The following DLC1 variants were observed in gnomAD, a reference collection of about 807,000 sequenced individuals.
The protein encoded by DLC1 is DLC1 Rho GTPase activating protein.
DLC1 carries 54 observed loss-of-function variants against 140.3 expected under a neutral mutation model. The observed-to-expected ratio is 0.38, with a 90% CI of 0.31 to 0.48. The LOEUF (loss-of-function observed/expected upper bound fraction) is 0.48. DLC1 is among the 20% of genes least tolerant of loss of function. The pLI, the probability that DLC1 is intolerant of heterozygous loss-of-function variation, is 0.96. For synonymous variants in DLC1, 986 were observed against 728.1 expected (o/e 1.35, Z -5.70); for missense variants, 2,536 against 1,907.0 (o/e 1.33, Z -6.14).
intron 5 of DLC1, among the ~76,000 whole-genome samples, chr8:13,202,667 T>C (rs952639050): frequency 6.6e-6 from 1 of 152,152 alleles, no homozygotes; most frequent in African/African-American, 2.4e-5. Flanking sequence ...CCTTTAATTT[T>C]TTTTTAATTT....
intron 4 of DLC1, among the ~76,000 whole-genome samples, chr8:13,367,733 G>A (rs541507631): frequency 1.4e-4 from 21 of 152,190 alleles, no homozygotes; most frequent in African/African-American, 5.1e-4. Context: ...TTTGTGTTTT[G>A]TTTCATCTGA....
intron 1 of DLC1, among the ~76,000 whole-genome samples, chr8:13,582,929 T>A (rs1457542161): frequency 7.2e-6 from 1 of 139,156 alleles, no homozygotes; most frequent in Non-Finnish European, 1.5e-5. Flanking sequence ...TGTGGTGTAA[T>A]AGCATTATGT....
intron 5 of DLC1, among the ~76,000 whole-genome samples, chr8:13,184,294 G>T (rs1424806892): frequency 1.3e-5 from 2 of 152,018 alleles, no homozygotes; most frequent in Admixed American, 6.6e-5. Context: ...TTTTTGAAGG[G>T]TTTTTTGTGT....
intron 1 of DLC1, among the ~76,000 whole-genome samples, chr8:13,544,959 G>T (rs1803605792): frequency 6.6e-6 from 1 of 152,076 alleles, no homozygotes; most frequent in Non-Finnish European, 1.5e-5. Context: ...TATTTACATA[G>T]ACTCCAAGTT....
At chr8:13,493,885 A>G (rs1801378136) in intron 2 of DLC1, among the ~76,000 whole-genome samples, 1 of 152,158 alleles carries the variant, frequency 6.6e-6, no homozygotes, top group Admixed American at 6.6e-5. Flanking sequence ...GTATCATTTC[A>G]GGTATGGGAG....
rs116450469 is a variant in DLC1 at position 13,092,824 on chromosome 8, A to G, written c.3528T>C (p.Tyr1176=). The stretch of plus-strand genomic sequence containing the variant: ...CCTGCAGGCGCTGGTCCTTGGGCAC[A>G]TCTGCACGACACCAGCACTTTCTCC... ...LSETFLQIYQ[Y]VPKDQRLQAI... is the part of the protein sequence containing the mutation. The change falls in exon 13 of 18, where the codon TAT becomes TAC. Residue 1176 remains tyrosine, a splice_region_variant and synonymous_variant. Coordinates refer to ENST00000276297, the MANE Select transcript of DLC1 (RefSeq NM_182643.3). The G allele has an allele frequency of 7.1e-4, 1,147 of 1,611,770 alleles. 3 individuals are homozygous for G. In the African/African-American group the frequency reaches 0.013, roughly 18 times the overall value.
At chr8:13,495,412 A>G (rs1801455419) in intron 2 of DLC1, among the ~76,000 whole-genome samples, 1 of 152,040 alleles carries the variant, frequency 6.6e-6, no homozygotes, top group Non-Finnish European at 1.5e-5. Context: ...CAGCCGCCTC[A>G]CCCCAGAGAC....
intron 1 of DLC1, among the ~76,000 whole-genome samples, chr8:13,551,882 AGACAGG>A (rs1803867487): frequency 8.2e-6 from 1 of 122,158 alleles, no homozygotes; most frequent in Non-Finnish European, 1.7e-5. Flanking sequence ...ATATATATAT[AGACAGG>A]TATATATACA....
intron 7 of DLC1, among the ~76,000 whole-genome samples, chr8:13,103,997 T>A (rs1020499900): frequency 6.6e-6 from 1 of 152,086 alleles, no homozygotes; most frequent in Admixed American, 6.6e-5. Flanking sequence ...ATTTAAAAAA[T>A]TAGTTTTAGT....
rs71207138 is a variant in DLC1, at chr8:13,295,942, G to GTTTTT, written c.1348+9322_1348+9326dup. ...AAGAGATGATCAGATAAGATTCTTTGTTTTTTTTTTTTTTTTTTTTTTTTT... is the reference window on the plus strand; with the variant it reads ...AAGAGATGATCAGATAAGATTCTTTGTTTTTTTTTTTTTTTTTTTTTTTTTTTTTT... On this transcript the variant is annotated intron_variant, in intron 5 of 17. Coordinates refer to ENST00000276297, the MANE Select transcript of DLC1 (RefSeq NM_182643.3). Among the ~76,000 whole-genome samples, 58 of 72,896 alleles carry GTTTTT rather than the reference G, an allele frequency of 8.0e-4. 12 individuals are homozygous for GTTTTT. Among genetic ancestry groups the GTTTTT allele is most frequent in the East Asian group, 4.0e-3 (7 of 1,766 alleles). The allele number at this position is 72,896 out of a possible 152,430, so 47.8% of individuals were successfully genotyped here. A position where few individuals can be genotyped will look rare whatever the true frequency, so the allele number is the denominator to read the frequency against.
At chr8:13,474,572 C>G (rs1231097026) in intron 2 of DLC1, among the ~76,000 whole-genome samples, 1 of 152,186 alleles carries the variant, frequency 6.6e-6, no homozygotes, top group Non-Finnish European at 1.5e-5. Context: ...AGAAGCTGCA[C>G]TCAACACCAG....
intron 7 of DLC1, among the ~76,000 whole-genome samples, chr8:13,108,024 G>A (rs766840862): frequency 6.6e-5 from 10 of 152,048 alleles, no homozygotes; most frequent in Non-Finnish European, 1.3e-4. Context: ...CAGCCTGAGC[G>A]ACAGAGTGAG....
At chr8:13,342,538 T>A (rs1017745159) in intron 4 of DLC1, 1 of 152,336 alleles carries the variant, frequency 6.6e-6, no homozygotes, top group Admixed American at 6.5e-5. Context: ...TCCAATCAGT[T>A]GAAGGCCTTA....
intron 5 of DLC1, among the ~76,000 whole-genome samples, chr8:13,252,136 C>T (rs17793145): frequency 0.16 from 24,285 of 152,010 alleles, 2,385 homozygotes; most frequent in Middle Eastern, 0.23. Context: ...TGAACTTGTC[C>T]TAAGTAACAT....
chr8:13,232,479 T>G (rs2583099), intron 5 of DLC1, among the ~76,000 whole-genome samples: 74,630 of 151,804 alleles, frequency 0.49, 18,819 homozygotes, highest in East Asian at 0.83. Flanking sequence ...GACTACAGGT[T>G]CACACCACCA....
At chr8:13,146,683 C>T (rs997731175) in intron 5 of DLC1, among the ~76,000 whole-genome samples, 21 of 152,022 alleles carry the variant, frequency 1.4e-4, no homozygotes, top group Non-Finnish European at 2.9e-5. Context: ...AAAAAGTTGA[C>T]ATCATTACTA....
intron 5 of DLC1, among the ~76,000 whole-genome samples, chr8:13,261,661 G>T (rs1830475234): frequency 6.6e-6 from 1 of 152,130 alleles, no homozygotes; most frequent in South Asian, 2.1e-4. Flanking sequence ...CAAGTGGTCA[G>T]CGTCTAGATG....
chr8:13,096,186 G>C (rs994038205), intron 10 of DLC1: 2 of 152,248 alleles, frequency 1.3e-5, no homozygotes, highest in African/African-American at 4.8e-5. Context: ...CACCATGTGA[G>C]GCTTTTACAG....
intron 2 of DLC1, among the ~76,000 whole-genome samples, chr8:13,460,912 C>G (rs289537): frequency 0.18 from 27,944 of 152,086 alleles, 3,903 homozygotes; most frequent in African/African-American, 0.39. Context: ...GGGTCCTGTG[C>G]GTGTAAAAAT....
Sources: gnomAD v4.1 joint callset for allele counts (sites outside exome capture counted in the v4.1 genomes callset) on GRCh38, gnomAD v4.1.1 for gene constraint, MANE v1.5 for transcripts, NCBI Gene and HGNC (gene_info 2026-07-23, HGNC 2026-07-21) for gene names.